ROR2: variants seen among roughly 807,000 people sequenced by gnomAD.
ROR2 encodes ROR family WNT receptor 2.
ROR2 carries 33 observed loss-of-function variants against 74.9 expected under a neutral mutation model. The ratio of observed to expected loss-of-function variants is 0.44; its 90% CI spans 0.33 to 0.59. The LOEUF (loss-of-function observed/expected upper bound fraction) is 0.59. ROR2 is among the 20% of genes least tolerant of loss of function. ROR2 has a pLI of 0.02. For missense variants in ROR2, 1,216 were observed against 1,313.8 expected, an observed-to-expected ratio of 0.93 and a Z score of 1.15; for synonymous variants, 586 against 558.7, an observed-to-expected ratio of 1.05 and a Z score of -0.69.
Position 91,723,894 on chromosome 9 carries a change from C to G in ROR2, c.2600G>C (p.Gly867Ala). ...GGTGACGTAGCCTGTGCTGGTGGAG[C>G]CACTGCCACTGTGGTGTGAGCTGGG... The part of the protein sequence containing the change: ...PKPSSHHSGS[G>A]STSTGYVTTA... Residue 867 changes from glycine to alanine, a missense_variant, in exon 9 of 9, where the codon GGC (glycine) becomes GCC (alanine). Gly to Ala is a moderately conservative substitution (Grantham distance 60). Transcript: ENST00000375708. 1 of 1,613,974 alleles carries G rather than the reference C, an allele frequency of 6.2e-7. No individual in the cohort carries two copies. Among genetic ancestry groups the G allele is most frequent in the Non-Finnish European group, 8.5e-7 (1 of 1,180,038 alleles).
chr9:91,921,694 T>C (rs979709344), intron 1 of ROR2, among the ~76,000 whole-genome samples: 3 of 152,054 alleles, frequency 2.0e-5, no homozygotes, highest in African/African-American at 7.2e-5. Context: ...TGAAAGCCTG[T>C]CTCTACTAAA....
At chr9:91,850,920 A>G (rs7847061) in intron 1 of ROR2, among the ~76,000 whole-genome samples, 71,887 of 151,974 alleles carry the variant, frequency 0.47, 19,454 homozygotes, top group African/African-American at 0.74. Context: ...TATTTTTTTC[A>G]GGGGGTGACT....
chr9:91,866,243 C>T (rs974524880), intron 1 of ROR2, among the ~76,000 whole-genome samples: 3 of 151,980 alleles, frequency 2.0e-5, no homozygotes, highest in Admixed American at 6.6e-5. Flanking sequence ...CCTCAGTCTC[C>T]TGAGTAGCTG....
chr9:91,847,766 C>T (rs775724073), intron 1 of ROR2, among the ~76,000 whole-genome samples: 2 of 152,162 alleles, frequency 1.3e-5, no homozygotes, highest in Non-Finnish European at 2.9e-5. Flanking sequence ...AGGAAGACAT[C>T]CTTCACGTCT....
intron 1 of ROR2, among the ~76,000 whole-genome samples, chr9:91,860,124 C>T (rs1272118464): frequency 6.6e-6 from 1 of 152,176 alleles, no homozygotes; most frequent in Non-Finnish European, 1.5e-5. Context: ...AGGAAAGGCT[C>T]GGTTCCAGGC....
At chr9:91,924,301 G>A (rs1831342544) in intron 1 of ROR2, among the ~76,000 whole-genome samples, 1 of 152,222 alleles carries the variant, frequency 6.6e-6, no homozygotes, top group Non-Finnish European at 1.5e-5. Context: ...CCTAGTCCCT[G>A]CGGTGGAGAG....
At chr9:91,757,620 C>T in intron 2 of ROR2, 61 bp from the exon 3 acceptor site, 3 of 1,570,924 alleles carry the variant, frequency 1.9e-6, no homozygotes, top group Non-Finnish European at 2.6e-6. Flanking sequence ...GAAGGGCTAC[C>T]TGGGGGCTCT....
chr9:91,832,787 C>T (rs918253613), intron 1 of ROR2, among the ~76,000 whole-genome samples: 1 of 152,170 alleles, frequency 6.6e-6, no homozygotes, highest in African/African-American at 2.4e-5. Flanking sequence ...TCTAGTTGGA[C>T]CCTGACAGGT....
Position 91,838,669 on chromosome 9 carries a change from A to AC in ROR2, c.98-62852dup, listed in dbSNP as rs1441888160. On this transcript the variant is annotated intron_variant, in intron 1 of 8. Coordinates refer to ENST00000375708, the MANE Select transcript of ROR2 (RefSeq NM_004560.4). ...CTGTCTCGGCCCCTTGGGAATAGAG[A>AC]CCCCGAGCACCACGGCCGGCGCAGG... Among the ~76,000 whole-genome samples, 13 of 151,842 alleles carry AC rather than the reference A, an allele frequency of 8.6e-5. No individual in the cohort carries two copies. In the East Asian group the frequency reaches 2.5e-3, roughly 29 times the overall value.
At chr9:91,762,749 T>C (rs753034204) in intron 2 of ROR2, among the ~76,000 whole-genome samples, 2 of 152,246 alleles carry the variant, frequency 1.3e-5, no homozygotes, top group Non-Finnish European at 2.9e-5. Context: ...CCCATCTATG[T>C]TGGTTGATGT....
At position 91,853,207 on chromosome 9, in the gene ROR2, G is replaced by A. The variant is rs114652289; in HGVS notation, c.98-77389C>T. On this transcript the variant is annotated intron_variant, in intron 1 of 8. Coordinates refer to ENST00000375708, the MANE Select transcript of ROR2 (RefSeq NM_004560.4). ...TGAGTCCGGAGACCAAAACAGCAGG[G>A]CTCCTCCGGGATGGGCCTGATCAGA... Among the ~76,000 whole-genome samples, 397 of 152,300 alleles carry A rather than the reference G, an allele frequency of 2.6e-3. 1 individual carries two copies. The highest frequency in any genetic ancestry group is 9.0e-3 in the African/African-American group (372 of 41,560).
intron 1 of ROR2, among the ~76,000 whole-genome samples, chr9:91,891,252 C>CTTTTTTT (rs59835723): frequency 2.9e-5 from 4 of 136,850 alleles, no homozygotes; most frequent in Non-Finnish European, 3.1e-5. Flanking sequence ...CTGTTCCTTT[C>CTTTTTTT]TTTTTTTTTT....
At chr9:91,927,562 C>CTTT (rs775823582) in intron 1 of ROR2, among the ~76,000 whole-genome samples, 41 of 94,934 alleles carry the variant, frequency 4.3e-4, no homozygotes, top group Non-Finnish European at 6.7e-4. Context: ...TTTCTAGATT[C>CTTT]TTTTTTTTTT....
chr9:91,935,686 T>C (rs1290790264), intron 1 of ROR2, among the ~76,000 whole-genome samples: 1 of 152,174 alleles, frequency 6.6e-6, no homozygotes, highest in Non-Finnish European at 1.5e-5. Flanking sequence ...AGACTGTCTT[T>C]CTACCAGCAC....
rs138339593 is a variant in ROR2, at chr9:91,828,338, C to T, written c.98-52520G>A. Reference sequence around the variant, plus strand: ...TTATTGATGATACATAGGAAATCTTCTCCAATATATTGTATGTAAATTCAT... The same window carrying T: ...TTATTGATGATACATAGGAAATCTTTTCCAATATATTGTATGTAAATTCAT... On this transcript the variant is annotated intron_variant, in intron 1 of 8. Coordinates refer to ENST00000375708, the MANE Select transcript of ROR2 (RefSeq NM_004560.4). Among the ~76,000 whole-genome samples the T allele has an allele frequency of 2.4e-3, 367 of 152,300 alleles. 1 individual carries two copies. Among genetic ancestry groups the T allele is most frequent in the African/African-American group, 8.3e-3 (343 of 41,554 alleles).
intron 1 of ROR2, among the ~76,000 whole-genome samples, chr9:91,828,470 T>G (rs1488184376): frequency 6.6e-6 from 1 of 152,210 alleles, no homozygotes; most frequent in Non-Finnish European, 1.5e-5. Context: ...TCCCAGCACT[T>G]TGTGATGCCG....
chr9:91,851,943 G>A (rs1277719176), intron 1 of ROR2, among the ~76,000 whole-genome samples: 1 of 149,248 alleles, frequency 6.7e-6, no homozygotes, highest in African/African-American at 2.5e-5. Context: ...ACCATTGCAC[G>A]CCAGCCTGGG....
At chr9:91,884,911 G>A (rs2119377111) in intron 1 of ROR2, among the ~76,000 whole-genome samples, 1 of 152,282 alleles carries the variant, frequency 6.6e-6, no homozygotes, top group East Asian at 1.9e-4. Context: ...CCTGTGCTGG[G>A]AAGTGATCAG....
chr9:91,948,946 A>C (rs1832089604), intron 1 of ROR2: 1 of 983,712 alleles, frequency 1.0e-6, no homozygotes, highest in African/African-American at 1.8e-5. Context: ...TCCTCCAGGC[A>C]ACCTAGGCAG....
Sources: allele counts gnomAD v4.1 joint callset (sites outside exome capture counted in the v4.1 genomes callset), GRCh38; gene constraint gnomAD v4.1.1; transcripts MANE v1.5; gene names NCBI Gene and HGNC (gene_info 2026-07-23, HGNC 2026-07-21).